EDA: variants seen among roughly 807,000 people sequenced by gnomAD.
EDA encodes ectodysplasin A.
EDA carries 2 observed loss-of-function variants against 23.6 expected under a neutral mutation model. The ratio of observed to expected loss-of-function variants is 0.08; its 90% CI spans 0.03 to 0.27. The LOEUF (loss-of-function observed/expected upper bound fraction) is 0.27, where lower values mean the gene tolerates loss of function less well. Ranked by LOEUF, EDA falls within the 10% of genes least tolerant of loss-of-function variation. The pLI is 1.00. For missense variants in EDA, 229 were observed against 324.2 expected (o/e 0.71, Z 2.26); for synonymous variants, 131 against 132.0 (o/e 0.99, Z 0.05).
intron 1 of EDA, among the ~76,000 whole-genome samples, chrX:69,715,760 T>C (rs898884456): frequency 1.8e-5 from 2 of 112,270 alleles, no homozygotes; most frequent in Admixed American, 9.5e-5. Flanking sequence ...TTTGACTTTC[T>C]AGTAGTAGTC....
Position 69,833,253 on chromosome X carries a change from C to T in EDA, c.397-123774C>T, listed in dbSNP as rs754956129. 6.6e-3 allele frequency among the ~76,000 whole-genome samples: 739 copies of T among 111,661 alleles called. 10 individuals are homozygous for T. The highest frequency in any genetic ancestry group is 0.023 in the African/African-American group (700 of 30,748). On this transcript the variant is annotated intron_variant, in intron 1 of 7. Transcript: ENST00000374552. ...TATTGAGAGTTTTTAGCATGAAGCG[C>T]TGTTGAATTTTGTCAAAGGCCTTTT...
At position 69,806,599 on chromosome X, in the gene EDA, C is replaced by T. The variant is rs181693681; in HGVS notation, c.397-150428C>T. Among the ~76,000 whole-genome samples, 8 of 110,914 alleles carry T rather than the reference C, an allele frequency of 7.2e-5. No individual in the cohort carries two copies. In the East Asian group the frequency reaches 2.0e-3, roughly 28 times the overall value. On this transcript the variant is annotated intron_variant, in intron 1 of 7. Transcript: ENST00000374552. ...AGTGGGAGACACAGACATTAAAAACCTACCAATAAATGTAAAATTTACAAA... is the reference window on the plus strand; with the variant it reads ...AGTGGGAGACACAGACATTAAAAACTTACCAATAAATGTAAAATTTACAAA...
At chrX:70,024,471 G>T (rs1326055145) in intron 3 of EDA, among the ~76,000 whole-genome samples, 3 of 112,647 alleles carry the variant, frequency 2.7e-5, no homozygotes, top group African/African-American at 9.7e-5. Flanking sequence ...TGTCTTTTAA[G>T]AAAGTAGATT....
At chrX:69,995,107 T>G (rs1236155617) in intron 2 of EDA, among the ~76,000 whole-genome samples, 1 of 112,140 alleles carries the variant, frequency 8.9e-6, no homozygotes, top group Non-Finnish European at 1.9e-5. Flanking sequence ...GCTGTGGAAA[T>G]CATCTTCCTG....
intron 1 of EDA, among the ~76,000 whole-genome samples, chrX:69,734,822 T>C (rs751236790): frequency 8.9e-6 from 1 of 111,857 alleles, no homozygotes; most frequent in East Asian, 2.8e-4. Flanking sequence ...TAAAAAACTT[T>C]GTCACACCCA....
chrX:69,877,993 A>G (rs948088329), intron 1 of EDA, among the ~76,000 whole-genome samples: 1 of 111,729 alleles, frequency 9.0e-6, no homozygotes, highest in Non-Finnish European at 1.9e-5. Context: ...CTATTTCTGG[A>G]TGCTCTCTTT....
At chrX:69,624,041 A>G (rs1465854122) in intron 1 of EDA, among the ~76,000 whole-genome samples, 1 of 111,526 alleles carries the variant, frequency 9.0e-6, no homozygotes, top group Non-Finnish European at 1.9e-5. Context: ...TTATACCAAA[A>G]TAAATTCCAG....
intron 1 of EDA, among the ~76,000 whole-genome samples, chrX:69,707,307 A>G (rs969842118): frequency 1.4e-4 from 16 of 112,395 alleles, no homozygotes; most frequent in African/African-American, 3.9e-4. Flanking sequence ...AACCTCCACC[A>G]TGGAAATATT....
At chrX:69,899,801 C>T (rs1041883408) in intron 1 of EDA, among the ~76,000 whole-genome samples, 3 of 111,201 alleles carry the variant, frequency 2.7e-5, no homozygotes, top group African/African-American at 9.8e-5. Context: ...ATATATCTTG[C>T]AAGATTTCAG....
At chrX:69,806,135 AT>A (rs776487098) in intron 1 of EDA, among the ~76,000 whole-genome samples, 1 of 111,844 alleles carries the variant, frequency 8.9e-6, no homozygotes, top group South Asian at 3.7e-4. Flanking sequence ...GGTTACCTGA[AT>A]TGATAATCTA....
intron 1 of EDA, among the ~76,000 whole-genome samples, chrX:69,670,623 C>G (rs1418891366): frequency 2.8e-5 from 3 of 107,739 alleles, no homozygotes; most frequent in Non-Finnish European, 5.7e-5. Context: ...TTTACTGAGT[C>G]ATTTCAAAAA....
intron 1 of EDA, among the ~76,000 whole-genome samples, chrX:69,942,066 C>T (rs999952026): frequency 9.0e-6 from 1 of 111,417 alleles, no homozygotes; most frequent in South Asian, 3.7e-4. Context: ...AAAGAGAAAA[C>T]GAATAGACAC....
intron 2 of EDA, among the ~76,000 whole-genome samples, chrX:69,972,304 G>A (rs942291895): frequency 1.8e-5 from 2 of 110,953 alleles, no homozygotes; most frequent in African/African-American, 6.5e-5. Context: ...GCATAATACA[G>A]AGCTTAGATA....
chrX:69,926,736 G>C (rs778706168), intron 1 of EDA, among the ~76,000 whole-genome samples: 2 of 111,408 alleles, frequency 1.8e-5, no homozygotes, highest in East Asian at 5.7e-4. Flanking sequence ...TCATTGATCT[G>C]TCTAATATTG....
At chrX:69,667,180 C>T (rs192386668) in intron 1 of EDA, among the ~76,000 whole-genome samples, 208 of 97,874 alleles carry the variant, frequency 2.1e-3, no homozygotes, top group African/African-American at 7.5e-3. Flanking sequence ...TGCAGTGGTG[C>T]GATCTTGGCT....
chrX:69,795,371 T>G (rs1193985979), intron 1 of EDA, among the ~76,000 whole-genome samples: 1 of 112,630 alleles, frequency 8.9e-6, no homozygotes, highest in African/African-American at 3.2e-5. Context: ...TTTTTCCAAA[T>G]TTTTCTTCTT....
At chrX:69,660,231 T>A (rs771730684) in intron 1 of EDA, among the ~76,000 whole-genome samples, 18 of 111,751 alleles carry the variant, frequency 1.6e-4, no homozygotes, top group Admixed American at 2.9e-4. Flanking sequence ...AAATCATGTC[T>A]TAGGAAGTGA....
At chrX:69,937,923 C>T (rs1004160405) in intron 1 of EDA, 60 of 1,201,849 alleles carry the variant, frequency 5.0e-5, no homozygotes, top group Non-Finnish European at 6.5e-5. Context: ...ATTATATTTT[C>T]GGATAACTTG....
intron 1 of EDA, among the ~76,000 whole-genome samples, chrX:69,696,031 G>A (rs1332601408): frequency 3.6e-5 from 4 of 110,048 alleles, no homozygotes; most frequent in Non-Finnish European, 7.6e-5. Context: ...CCTGAGGTCA[G>A]GATTTCGAGA....
Sources: allele counts gnomAD v4.1 joint callset (sites outside exome capture counted in the v4.1 genomes callset), GRCh38; gene constraint gnomAD v4.1.1; transcripts MANE v1.5; gene names NCBI Gene and HGNC (gene_info 2026-07-23, HGNC 2026-07-21).